The following KEAP1 variants were observed in gnomAD, a reference collection of about 807,000 sequenced individuals.
KEAP1 encodes the protein kelch-like ECH-associated protein 1.
KEAP1 carries 26 observed loss-of-function variants against 59.7 expected under a neutral mutation model. That is an observed-to-expected ratio of 0.44 (90% confidence interval 0.32 to 0.60). KEAP1 has a LOEUF of 0.60. KEAP1 is among the 20% of genes least tolerant of loss of function. The pLI, the probability that KEAP1 is intolerant of heterozygous loss-of-function variation, is 0.06. For missense variants in KEAP1, 539 were observed against 871.4 expected, an observed-to-expected ratio of 0.62 and a Z score of 4.80; for synonymous variants, 350 against 358.3, an observed-to-expected ratio of 0.98 and a Z score of 0.26.
chr19:10,489,493 G>A (rs1047250216), intron 4 of KEAP1, 125 bp from the exon 5 acceptor site: 1 of 1,259,420 alleles, frequency 7.9e-7, no homozygotes, highest in Non-Finnish European at 1.1e-6. Flanking sequence ...GAAGCGGGGA[G>A]AGAGAGAAGC....
In KEAP1 at chr19:10,489,773, T is replaced by C. The variant is rs973016645; in HGVS notation, c.1406A>G (p.Asn469Ser). 5.0e-6 allele frequency: 8 copies of C among 1,613,990 alleles called. No homozygotes were observed. The South Asian group carries it at 6.6e-5, about 13-fold the overall frequency. Reference protein sequence around the residue: ...RRIGVGVAVLNRLLYAVGGFD... With the variant: ...RRIGVGVAVLSRLLYAVGGFD... ...GCCCCCCACGGCATAAAGGAGACGA[T>C]TGAGGACAGCCACGCCCACCCCGAT... Residue 469 changes from asparagine to serine, a missense_variant, in exon 4 of 6, where the codon AAT (asparagine) becomes AGT (serine). Asn to Ser is a conservative substitution (Grantham distance 46). This residue lies in a region of KEAP1 where 311 missense variants were observed against 425.2 expected (regional missense o/e 0.73). Transcript: ENST00000171111.
In KEAP1 at chr19:10,492,072, G is replaced by A. The variant is rs1914693931; in HGVS notation, c.830C>T (p.Thr277Met). Residue 277 changes from threonine to methionine, a missense_variant, in exon 3 of 6, where the codon ACG (threonine) becomes ATG (methionine). Coordinates refer to ENST00000171111, the MANE Select transcript of KEAP1 (RefSeq NM_203500.2). Reference sequence around the variant, plus strand: ...CAGCTGCATCTGCAGGAAGTTCGGCGTCAACGAGTGGCAGCGCACGGCCCG... The same window carrying A: ...CAGCTGCATCTGCAGGAAGTTCGGCATCAACGAGTGGCAGCGCACGGCCCG... ...LLRAVRCHSL[T>M]PNFLQMQLQK... is the part of the protein sequence containing the mutation. 6.2e-7 allele frequency: 1 copy of A among 1,614,004 alleles called. No individual in the cohort carries two copies. Among genetic ancestry groups the A allele is most frequent in the Non-Finnish European group, 8.5e-7 (1 of 1,180,046 alleles).
Position 10,492,179 on chromosome 19 carries a change from G to A in KEAP1, c.723C>T (p.Cys241=), listed in dbSNP as rs2144604397. The A allele has an allele frequency of 6.2e-7, 1 of 1,614,058 alleles. No homozygotes were observed. Among genetic ancestry groups the A allele is most frequent in the Non-Finnish European group, 8.5e-7 (1 of 1,180,022 alleles). ...TGCAGGCGTGGAAGACCTCGGACTC[G>A]CAGCGCACGTTCAGGTCGTCCCGGC... The part of the protein sequence containing the change: ...LISRDDLNVR[C]ESEVFHACIN... Residue 241 remains cysteine, a synonymous_variant, in exon 3 of 6, where the codon TGC becomes TGT. Transcript: ENST00000171111.
At chr19:10,501,585 G>A (rs1009814080) in intron 1 of KEAP1, among the ~76,000 whole-genome samples, 2 of 144,556 alleles carry the variant, frequency 1.4e-5, no homozygotes, top group Admixed American at 1.4e-4. Context: ...AGCCGAGATC[G>A]CACCACTGCA....
intron 5 of KEAP1, among the ~76,000 whole-genome samples, chr19:10,488,243 C>T (rs1347868478): frequency 6.6e-6 from 1 of 150,826 alleles, no homozygotes; most frequent in South Asian, 2.1e-4. Flanking sequence ...GCCAAGATTG[C>T]GCCATTGCAC....
At position 10,489,251 on chromosome 19, in the gene KEAP1, A is replaced by T. The variant is rs1250566803; in HGVS notation, c.1649T>A (p.Met550Lys). Residue 550 changes from methionine (M) to lysine (K), a missense_variant, in exon 5 of 6, where the codon ATG (methionine) becomes AAG (lysine). By Grantham distance (95) the Met-to-Lys change is moderately conservative. Coordinates refer to ENST00000171111, the MANE Select transcript of KEAP1 (RefSeq NM_203500.2). ...ETETWTFVAP[M>K]KHRRSALGIT... The stretch of plus-strand genomic sequence containing the variant: ...CCCCAGGGCACTTCGCCGGTGCTTC[A>T]TGGGGGCTACGAAAGTCCACGTCTC... 1.2e-6 allele frequency: 2 copies of T among 1,612,864 alleles called. No individual in the cohort carries two copies. Among genetic ancestry groups the T allele is most frequent in the Non-Finnish European group, 1.7e-6 (2 of 1,179,954 alleles).
In KEAP1 at chr19:10,491,862, G is replaced by C. The variant is rs773835974; in HGVS notation, c.1040C>G (p.Pro347Arg). ...CAACCGGAGCCAGGTGCCGTCACTG[G>C]GGTTGTAAGCCTCCAGGTAGCTGAG... Reference protein sequence around the residue: ...QSLSYLEAYNPSDGTWLRLAD... With the variant: ...QSLSYLEAYNRSDGTWLRLAD... Residue 347 changes from proline (P) to arginine (R), a missense_variant, in exon 3 of 6, where the codon CCC becomes CGC. This residue lies in a region of KEAP1 where 311 missense variants were observed against 425.2 expected (regional missense o/e 0.73). Coordinates refer to ENST00000171111, the MANE Select transcript of KEAP1 (RefSeq NM_203500.2). The surrounding 1 kb of genome is among the most constrained non-coding windows in gnomAD (Gnocchi z 5.2). The C allele has an allele frequency of 2.5e-6, 4 of 1,612,400 alleles. No homozygotes were observed. Among genetic ancestry groups the C allele is most frequent in the Non-Finnish European group, 3.4e-6 (4 of 1,179,428 alleles).
chr19:10,497,002 TAATCCC>T (rs1239737941), intron 2 of KEAP1, among the ~76,000 whole-genome samples: 1 of 151,428 alleles, frequency 6.6e-6, no homozygotes, highest in Non-Finnish European at 1.5e-5. Flanking sequence ...TAGGCACCTG[TAATCCC>T]AGCTACTTGG....
In KEAP1 at chr19:10,492,104, C is replaced by G. The variant is rs752940311; in HGVS notation, c.798G>C (p.Ala266=). The G allele has an allele frequency of 6.8e-6, 11 of 1,613,788 alleles. No homozygotes were observed. The highest frequency in any genetic ancestry group is 1.7e-5 in the Admixed American group (1 of 60,000). The change falls in exon 3 of 6, where the codon GCG becomes GCC. Residue 266 remains alanine, a synonymous_variant. Transcript: ENST00000171111. The part of the protein sequence containing the change: ...DCEQRRFYVQ[A]LLRAVRCHSL... The stretch of plus-strand genomic sequence containing the variant: ...AGTGGCAGCGCACGGCCCGCAGCAG[C>G]GCCTGGACGTAGAACCGTCGCTGTT...
rs1381944562 is a variant in KEAP1, at chr19:10,502,808, C to T, written c.-48+433G>A. The T allele has an allele frequency of 1.3e-5, 2 of 152,014 alleles. No homozygotes were observed. Among genetic ancestry groups the T allele is most frequent in the Non-Finnish European group, 2.9e-5 (2 of 67,966 alleles). The allele number at this position is 152,014 out of a possible 1,614,324, so 9.4% of individuals were successfully genotyped here. A position where few individuals can be genotyped will look rare whatever the true frequency, so the allele number is the denominator to read the frequency against. ...GCAGGTCACCATGACTAAGCAGAGC[C>T]GGGCGCCCGCCGTGTCACAATAAAA... On this transcript the variant is annotated intron_variant, in intron 1 of 5. Coordinates refer to ENST00000171111, the MANE Select transcript of KEAP1 (RefSeq NM_203500.2). This position sits in a 1 kb window ranked among gnomAD's most constrained non-coding sequence, Gnocchi z 4.0.
At chr19:10,498,399 G>A (rs1044992699) in intron 2 of KEAP1, among the ~76,000 whole-genome samples, 2 of 151,556 alleles carry the variant, frequency 1.3e-5, no homozygotes, top group Non-Finnish European at 2.9e-5. Flanking sequence ...TAGAGATGGG[G>A]TTTCACCATA....
At position 10,489,840 on chromosome 19, in the gene KEAP1, G is replaced by A. The variant is rs1384602464; in HGVS notation, c.1339C>T (p.Arg447Trp). 4 of 1,613,412 alleles carry A rather than the reference G, an allele frequency of 2.5e-6. No individual in the cohort carries two copies. Among genetic ancestry groups the A allele is most frequent in the South Asian group, 1.1e-5 (1 of 90,950 alleles). ...GGGGCCACCAAGTGCCACTCATCCC[G>A]CTCTGGCTCATACCTGCAAGGGCGT... is the stretch of plus-strand genomic sequence containing the variant. ...HNSVERYEPE[R>W]DEWHLVAPML... The change falls in exon 4 of 6, where the codon CGG becomes TGG. Residue 447 changes from arginine (R) to tryptophan (W), a missense_variant. Coordinates refer to ENST00000171111, the MANE Select transcript of KEAP1 (RefSeq NM_203500.2).
chr19:10,489,254 G>A lies in KEAP1; in HGVS notation c.1646C>T (p.Pro549Leu), dbSNP rs756346136. 31 of 1,613,020 alleles carry A rather than the reference G, an allele frequency of 1.9e-5. No individual in the cohort carries two copies. The South Asian group carries it at 2.1e-4, about 11-fold the overall frequency. The change falls in exon 5 of 6, where the codon CCC becomes CTC. Residue 549 changes from proline (P) to leucine (L), a missense_variant. Around this residue, in one of 4 missense-constraint regions of KEAP1, gnomAD observed 311 missense variants for 425.2 expected, o/e 0.73. Coordinates refer to ENST00000171111, the MANE Select transcript of KEAP1 (RefSeq NM_203500.2). The part of the protein sequence containing the change: ...VETETWTFVA[P>L]MKHRRSALGI... ...CAGGGCACTTCGCCGGTGCTTCATG[G>A]GGGCTACGAAAGTCCACGTCTCTGT...
chr19:10,493,484 T>C (rs1460232104), intron 2 of KEAP1, among the ~76,000 whole-genome samples: 1 of 149,696 alleles, frequency 6.7e-6, no homozygotes, highest in East Asian at 2.0e-4. Context: ...TTATTTTTAG[T>C]AGAGACGGAG....
At chr19:10,492,592 C>T (rs796319242) in intron 2 of KEAP1, 1 of 272,504 alleles carries the variant, frequency 3.7e-6, no homozygotes. Flanking sequence ...GTGGCACACG[C>T]CTCTAGTCCC....
At chr19:10,501,404 C>T (rs61685893) in intron 1 of KEAP1, among the ~76,000 whole-genome samples, 5 of 151,712 alleles carry the variant, frequency 3.3e-5, no homozygotes, top group African/African-American at 7.2e-5. Flanking sequence ...CCGAGGCAGG[C>T]GGATCACAAG....
intron 2 of KEAP1, among the ~76,000 whole-genome samples, chr19:10,493,260 G>A (rs1293167784): frequency 6.6e-6 from 1 of 151,588 alleles, no homozygotes; most frequent in African/African-American, 2.4e-5. Context: ...CTGGGTTCAC[G>A]CCATTCTCCT....
At position 10,499,710 on chromosome 19, in the gene KEAP1, C is replaced by T. The variant is rs2144627822; in HGVS notation, c.324G>A (p.Lys108=). The T allele has an allele frequency of 6.2e-7, 1 of 1,614,188 alleles. No homozygotes were observed. Among genetic ancestry groups the T allele is most frequent in the Non-Finnish European group, 8.5e-7 (1 of 1,180,052 alleles). Residue 108 remains lysine (K), a synonymous_variant, in exon 2 of 6, where the codon AAG becomes AAA. Transcript: ENST00000171111. This position sits in a 1 kb window ranked among gnomAD's most constrained non-coding sequence, Gnocchi z 6.7. ...CCCGCAGCCCGTTGGTGAACATGGC[C>T]TTGAAGACAGGGCTGGATGAGGCCA... ...VVLASSSPVF[K]AMFTNGLREQ...
chr19:10,499,521 G>A lies in KEAP1; in HGVS notation c.513C>T (p.Cys171=), dbSNP rs1914963517. 1 of 1,614,202 alleles carries A rather than the reference G, an allele frequency of 6.2e-7. No homozygotes were observed. Among genetic ancestry groups the A allele is most frequent in the African/African-American group, 1.3e-5 (1 of 75,074 alleles). The change falls in exon 2 of 6, where the codon TGC becomes TGT. Residue 171 remains cysteine, a synonymous_variant. Coordinates refer to ENST00000171111, the MANE Select transcript of KEAP1 (RefSeq NM_203500.2). The surrounding 1 kb of genome is among the most constrained non-coding windows in gnomAD (Gnocchi z 6.7). ...CCAGCTGCTGCACCAGGAAGTCACT[G>A]CAGGCACGGACAACGCTGTCGATCT... ...MYQIDSVVRA[C]SDFLVQQLDP...
Sources: gnomAD v4.1 joint callset for allele counts (sites outside exome capture counted in the v4.1 genomes callset) on GRCh38, gnomAD v4.1.1 for gene constraint, gnomAD v4.1.1 regional missense constraint, Gnocchi (gnomAD v3.1) non-coding constraint, MANE v1.5 for transcripts, NCBI Gene and HGNC (gene_info 2026-07-23, HGNC 2026-07-21) for gene names.